Variants in ASPRV1 observed in about 807,000 individuals in gnomAD.
ASPRV1 encodes the protein aspartic peptidase retroviral like 1.
ASPRV1 carries 7 observed loss-of-function variants against 11.0 expected under a neutral mutation model. The ratio of observed to expected loss-of-function variants is 0.64; its 90% CI spans 0.36 to 1.20. The LOEUF (loss-of-function observed/expected upper bound fraction) is 1.20, where lower values mean the gene tolerates loss of function less well. Ranked by LOEUF, ASPRV1 falls within the 50% of genes most tolerant of loss-of-function variation. The pLI, the probability that ASPRV1 is intolerant of heterozygous loss-of-function variation, is 0.02. For synonymous variants in ASPRV1, 136 were observed against 138.4 expected (o/e 0.98, Z 0.12); for missense variants, 299 against 320.0 (o/e 0.93, Z 0.50).
At chr2:69,985,209 T>C in the ASPRV1 span, among the ~76,000 whole-genome samples, 3 of 152,028 alleles carry the variant, frequency 2.0e-5, no homozygotes, top group African/African-American at 7.2e-5. Flanking sequence ...TGCTCTTCCC[T>C]CTCTTCCTTC....
the ASPRV1 span, among the ~76,000 whole-genome samples, chr2:70,014,035 CA>C: frequency 6.6e-6 from 1 of 151,986 alleles, no homozygotes; most frequent in African/African-American, 2.4e-5. Flanking sequence ...TTGTTAAAAC[CA>C]CTAAATAAAA....
the ASPRV1 span, chr2:70,086,405 G>A: frequency 6.6e-6 from 1 of 152,252 alleles, no homozygotes; most frequent in Non-Finnish European, 1.5e-5. Context: ...GCCCAAGGAG[G>A]AAGGGGAAAA....
the ASPRV1 span, among the ~76,000 whole-genome samples, chr2:69,934,653 A>G: frequency 6.6e-6 from 1 of 152,162 alleles, no homozygotes; most frequent in African/African-American, 2.4e-5. Flanking sequence ...ATGAATATAG[A>G]TTCTTGTTTT....
At chr2:70,036,871 G>T in the ASPRV1 span, among the ~76,000 whole-genome samples, 1 of 152,146 alleles carries the variant, frequency 6.6e-6, no homozygotes, top group South Asian at 2.1e-4. Flanking sequence ...TGTTGTTTAT[G>T]ATTACTGCCC....
chr2:70,058,608 A>G, the ASPRV1 span, among the ~76,000 whole-genome samples: 3 of 149,680 alleles, frequency 2.0e-5, no homozygotes, highest in African/African-American at 7.4e-5. Context: ...GCTAGAGTGC[A>G]ACGGTATGAT....
At chr2:70,087,353 G>A in the ASPRV1 span, 1 of 152,090 alleles carries the variant, frequency 6.6e-6, no homozygotes, top group Non-Finnish European at 1.5e-5. Flanking sequence ...GACCATGTAA[G>A]GGTTGGCGCA....
chr2:70,020,741 T>A, the ASPRV1 span, among the ~76,000 whole-genome samples: 1 of 151,906 alleles, frequency 6.6e-6, no homozygotes, highest in African/African-American at 2.4e-5. Context: ...AAAAAGACAT[T>A]GTGCAGAGTG....
At chr2:70,068,784 A>AT in the ASPRV1 span, among the ~76,000 whole-genome samples, 3,734 of 149,616 alleles carry the variant, frequency 0.025, 140 homozygotes, top group African/African-American at 0.089. Context: ...AAAAAAAAAA[A>AT]AAATAACAAA....
the ASPRV1 span, among the ~76,000 whole-genome samples, chr2:70,003,902 CT>C: frequency 1.3e-5 from 2 of 152,184 alleles, no homozygotes; most frequent in Non-Finnish European, 2.9e-5. Context: ...CTCTTTTCGC[CT>C]TTCCACCTTC....
chr2:69,946,237 G>A, the ASPRV1 span, among the ~76,000 whole-genome samples: 1 of 152,220 alleles, frequency 6.6e-6, no homozygotes, highest in Non-Finnish European at 1.5e-5. Flanking sequence ...GACCAACAGA[G>A]ACCAATAGGC....
At chr2:70,001,618 G>A in the ASPRV1 span, among the ~76,000 whole-genome samples, 3 of 152,150 alleles carry the variant, frequency 2.0e-5, no homozygotes, top group African/African-American at 7.2e-5. Flanking sequence ...ACATTAGCCA[G>A]GCATGGTGGC....
chr2:70,053,830 C>T, the ASPRV1 span: 1 of 152,168 alleles, frequency 6.6e-6, no homozygotes, highest in Non-Finnish European at 1.5e-5. Context: ...AAATGGGTAC[C>T]ACATGAGGTA....
At chr2:69,985,421 C>T in the ASPRV1 span, among the ~76,000 whole-genome samples, 1 of 152,238 alleles carries the variant, frequency 6.6e-6, no homozygotes, top group African/African-American at 2.4e-5. Context: ...GCCCCATGAT[C>T]ATGGCTCACA....
the ASPRV1 span, among the ~76,000 whole-genome samples, chr2:69,987,169 G>A: frequency 6.6e-6 from 1 of 152,126 alleles, no homozygotes; most frequent in South Asian, 2.1e-4. Flanking sequence ...AAGGCATTGG[G>A]AGGAGGAGTT....
the ASPRV1 span, among the ~76,000 whole-genome samples, chr2:70,071,132 G>A: frequency 2.0e-5 from 3 of 152,170 alleles, no homozygotes; most frequent in Admixed American, 6.6e-5. Flanking sequence ...ACAAGAGTAG[G>A]AGACTGCAAA....
chr2:70,031,633 C>T, the ASPRV1 span: 1 of 152,042 alleles, frequency 6.6e-6, no homozygotes, highest in Non-Finnish European at 1.5e-5. Flanking sequence ...GGAGGTGGAG[C>T]TTGCAGTGAG....
chr2:70,086,715 G>C, the ASPRV1 span, among the ~76,000 whole-genome samples: 1 of 152,260 alleles, frequency 6.6e-6, no homozygotes, highest in Non-Finnish European at 1.5e-5. Context: ...ACAAGGGCAG[G>C]AGGTGGGGTT....
chr2:69,980,126 T>TC, the ASPRV1 span, among the ~76,000 whole-genome samples: 1 of 152,062 alleles, frequency 6.6e-6, no homozygotes, highest in Non-Finnish European at 1.5e-5. Flanking sequence ...CAGCCTGCCC[T>TC]CCCCCATGGC....
downstream of ASPRV1, among the ~76,000 whole-genome samples, chr2:69,955,853 T>C (rs13418556): frequency 5.1e-3 from 781 of 151,886 alleles, 6 homozygotes; most frequent in African/African-American, 0.018. Context: ...GAGAGAGAAA[T>C]ATAGAGAAGT....
Sources: allele counts gnomAD v4.1 joint callset (sites outside exome capture counted in the v4.1 genomes callset), GRCh38; gene constraint gnomAD v4.1.1; transcripts MANE v1.5; gene names NCBI Gene and HGNC (gene_info 2026-07-23, HGNC 2026-07-21).